GCM1: variants seen among roughly 807,000 people sequenced by gnomAD.
GCM1 encodes the protein chorion-specific transcription factor GCMa.
GCM1 carries 2 observed loss-of-function variants against 25.7 expected under a neutral mutation model. The observed-to-expected ratio is 0.08, with a 90% CI of 0.03 to 0.24. The LOEUF (loss-of-function observed/expected upper bound fraction) is 0.24. GCM1 is among the 10% of genes least tolerant of loss of function. The probability of loss-of-function intolerance (pLI) is 1.00; values close to 1 mark genes in which losing one functional copy is unlikely to be tolerated. For missense variants in GCM1, 395 were observed against 538.7 expected (o/e 0.73, Z 2.64); for synonymous variants, 183 against 195.7 (o/e 0.94, Z 0.54).
intron 2 of GCM1, among the ~76,000 whole-genome samples, chr6:53,137,904 T>C (rs1198575991): frequency 6.6e-6 from 1 of 152,158 alleles, no homozygotes. Flanking sequence ...TCCTTGCCTG[T>C]AGAGGAAGAG....
At chr6:53,147,081 A>G (rs1452167534) in intron 1 of GCM1, among the ~76,000 whole-genome samples, 1 of 152,184 alleles carries the variant, frequency 6.6e-6, no homozygotes, top group East Asian at 1.9e-4. Context: ...ATGAATGAAT[A>G]AATAAAAGTT....
intron 4 of GCM1, among the ~76,000 whole-genome samples, chr6:53,131,217 T>C (rs1320940834): frequency 2.0e-5 from 3 of 152,188 alleles, no homozygotes; most frequent in Non-Finnish European, 4.4e-5. Flanking sequence ...GTGTGCCTTA[T>C]ATCTCATTTC....
At position 53,145,499 on chromosome 6, in the gene GCM1, T is replaced by TTAA. The variant is rs1763941414; in HGVS notation, c.75+56_75+58dup. Reference sequence around the variant, plus strand: ...CAATTTCCTTCCAGGTCTCCGCATGTTAATAGTCAAGACTTCACAGCCCAA... The same window carrying TTAA: ...CAATTTCCTTCCAGGTCTCCGCATGTTAATAATAGTCAAGACTTCACAGCCCAA... On this transcript the variant is annotated intron_variant, in intron 2 of 5. Transcript: ENST00000259803. 9.0e-6 allele frequency: 8 copies of TTAA among 889,624 alleles called. No homozygotes were observed. In the Admixed American group the frequency reaches 1.4e-4, roughly 15 times the overall value. 55.1% of individuals were successfully genotyped at this position (889,624 alleles called of 1,614,324 possible).
Position 53,136,480 on chromosome 6 carries a change from C to G in GCM1, c.76-2156G>C, listed in dbSNP as rs1763801663. Among the ~76,000 whole-genome samples, 4 of 152,178 alleles carry G rather than the reference C, an allele frequency of 2.6e-5. No individual in the cohort carries two copies. The South Asian group carries it at 8.3e-4, about 32-fold the overall frequency. On this transcript the variant is annotated intron_variant, in intron 2 of 5. Transcript: ENST00000259803. ...CCCACAGGGAGGTTTTGAGGACTTACTAAATTAACATACACAATGCACTTA... is the reference window on the plus strand; with the variant it reads ...CCCACAGGGAGGTTTTGAGGACTTAGTAAATTAACATACACAATGCACTTA...
At chr6:53,148,150 G>T (rs1763991438) in intron 1 of GCM1, among the ~76,000 whole-genome samples, 1 of 152,154 alleles carries the variant, frequency 6.6e-6, no homozygotes, top group Non-Finnish European at 1.5e-5. Flanking sequence ...GCCGCAAATT[G>T]ACTCTAATTC....
At chr6:53,132,899 A>C (rs1239998902) in intron 3 of GCM1, among the ~76,000 whole-genome samples, 1 of 152,220 alleles carries the variant, frequency 6.6e-6, no homozygotes, top group Non-Finnish European at 1.5e-5. Context: ...TTGAGGTTTG[A>C]AGTGGGCAAT....
At position 53,130,839 on chromosome 6, in the gene GCM1, G is replaced by A. The variant is rs1021595884; in HGVS notation, c.534C>T (p.Ser178=). Residue 178 remains serine (S), a synonymous_variant, in exon 5 of 6, where the codon TCC becomes TCT. Coordinates refer to ENST00000259803, the MANE Select transcript of GCM1 (RefSeq NM_003643.4). ...TGCTCCCCTTCAGGCTCAATGAGAC[G>A]GAGGAAGGTGCTGTGTTCACTTTCT... is the stretch of plus-strand genomic sequence containing the variant. ...AMKKVNTAPS[S]VSLSLKGSTE... 10 of 1,613,568 alleles carry A rather than the reference G, an allele frequency of 6.2e-6. No individual in the cohort carries two copies. Among genetic ancestry groups the A allele is most frequent in the African/African-American group, 4.0e-5 (3 of 74,910 alleles).
At chr6:53,142,810 A>G (rs1763898908) in intron 2 of GCM1, among the ~76,000 whole-genome samples, 1 of 136,904 alleles carries the variant, frequency 7.3e-6, no homozygotes, top group African/African-American at 2.7e-5. Flanking sequence ...ATTTGGCGCA[A>G]CCCCCTCATT....
intron 2 of GCM1, among the ~76,000 whole-genome samples, chr6:53,137,223 G>T (rs1320102740): frequency 6.6e-6 from 1 of 152,136 alleles, no homozygotes; most frequent in African/African-American, 2.4e-5. Context: ...CCAGGATGCT[G>T]GTTGGACCAT....
intron 1 of GCM1, among the ~76,000 whole-genome samples, chr6:53,147,433 T>G (rs868053473): frequency 8.8e-5 from 13 of 148,072 alleles, no homozygotes; most frequent in African/African-American, 2.7e-4. Flanking sequence ...TTGTTTTTTT[T>G]TTTTTTTTTT....
In GCM1 at chr6:53,128,709, T is replaced by C; in HGVS notation, c.808A>G (p.Ser270Gly). The change falls in exon 6 of 6, where the codon AGT (serine) becomes GGT (glycine). Residue 270 changes from serine to glycine, a missense_variant. Ser to Gly is a moderately conservative substitution (Grantham distance 56). Coordinates refer to ENST00000259803, the MANE Select transcript of GCM1 (RefSeq NM_003643.4). ...TCTCCACTACTGTAGGTTCTGCTAC[T>C]GGACAATTTGCGCTTTTCATAGAGC... ...MKLYEKRKLS[S>G]SRTYSSGDLL... The C allele has an allele frequency of 6.2e-7, 1 of 1,614,168 alleles. No individual in the cohort carries two copies. Among genetic ancestry groups the C allele is most frequent in the Non-Finnish European group, 8.5e-7 (1 of 1,179,960 alleles).
chr6:53,136,649 T>C (rs1278429964), intron 2 of GCM1, among the ~76,000 whole-genome samples: 4 of 152,202 alleles, frequency 2.6e-5, no homozygotes, highest in Non-Finnish European at 5.9e-5. Flanking sequence ...CACTTCATGC[T>C]TCATACCTTG....
At chr6:53,129,598 A>G (rs997852682) in intron 5 of GCM1, among the ~76,000 whole-genome samples, 27 of 152,148 alleles carry the variant, frequency 1.8e-4, no homozygotes, top group African/African-American at 6.3e-4. Context: ...TGAGAAACTT[A>G]TAAGGAACTA....
intron 1 of GCM1, among the ~76,000 whole-genome samples, chr6:53,148,475 T>C (rs1423529340): frequency 6.6e-6 from 1 of 152,188 alleles, no homozygotes; most frequent in Non-Finnish European, 1.5e-5. Context: ...GCTAAGCGAA[T>C]GAGCATTAAT....
At chr6:53,141,131 T>G (rs918170627) in intron 2 of GCM1, among the ~76,000 whole-genome samples, 5 of 152,324 alleles carry the variant, frequency 3.3e-5, no homozygotes, top group African/African-American at 1.2e-4. Flanking sequence ...TGATTCTCTA[T>G]TTAGGCAGTA....
intron 3 of GCM1, among the ~76,000 whole-genome samples, chr6:53,133,837 G>A (rs973071467): frequency 6.6e-6 from 1 of 152,148 alleles, no homozygotes; most frequent in African/African-American, 2.4e-5. Context: ...CTTAACCCAA[G>A]GAGGCATTTT....
At chr6:53,131,325 C>A (rs1763725482) in intron 4 of GCM1, among the ~76,000 whole-genome samples, 1 of 152,204 alleles carries the variant, frequency 6.6e-6, no homozygotes, top group African/African-American at 2.4e-5. Context: ...GCTGGGTAAC[C>A]TCCTCTAGAA....
chr6:53,137,308 G>A (rs1203577302), intron 2 of GCM1, among the ~76,000 whole-genome samples: 2 of 152,138 alleles, frequency 1.3e-5, no homozygotes, highest in Non-Finnish European at 2.9e-5. Context: ...AATGCCCGGG[G>A]TGAGAGAAGC....
At chr6:53,133,687 T>G (rs1172011937) in intron 3 of GCM1, among the ~76,000 whole-genome samples, 1 of 151,728 alleles carries the variant, frequency 6.6e-6, no homozygotes, top group Non-Finnish European at 1.5e-5. Flanking sequence ...GGGGTTGGGG[T>G]CTTCTTATGT....
Sources: gnomAD v4.1 joint callset for allele counts (sites outside exome capture counted in the v4.1 genomes callset) on GRCh38, gnomAD v4.1.1 for gene constraint, MANE v1.5 for transcripts, NCBI Gene and HGNC (gene_info 2026-07-23, HGNC 2026-07-21) for gene names.